The following ODR4 variants were observed in gnomAD, a reference collection of about 807,000 sequenced individuals.
ODR4 encodes the protein protein odr-4 homolog.
ODR4 carries 47 observed loss-of-function variants against 60.2 expected under a neutral mutation model. The observed-to-expected ratio is 0.78, with a 90% CI of 0.62 to 1.00. The LOEUF (loss-of-function observed/expected upper bound fraction) is 1.00, where lower values mean the gene tolerates loss of function less well. Among genes scored for constraint, ODR4 ranks in the 50% least tolerant of loss-of-function variants. The probability of loss-of-function intolerance (pLI) is 0.00; values close to 1 mark genes in which losing one functional copy is unlikely to be tolerated. For missense variants in ODR4, 488 were observed against 530.8 expected, an observed-to-expected ratio of 0.92 and a Z score of 0.79; for synonymous variants, 178 against 175.5, an observed-to-expected ratio of 1.01 and a Z score of -0.11.
At chr1:186,394,977 C>A (rs1660614370) in intron 9 of ODR4, among the ~76,000 whole-genome samples, 1 of 152,108 alleles carries the variant, frequency 6.6e-6, no homozygotes, top group Non-Finnish European at 1.5e-5. Flanking sequence ...GTTTATTAAA[C>A]AATTTGGTTA....
chr1:186,431,365 A>AT, the ODR4 span, among the ~76,000 whole-genome samples: 1 of 152,202 alleles, frequency 6.6e-6, no homozygotes, highest in Non-Finnish European at 1.5e-5. Flanking sequence ...TAATCACATG[A>AT]TTAAGTTGTG....
At position 186,421,051 on chromosome 1, in the gene ODR4, G is replaced by A. The variant is rs1418940539; in HGVS notation, c.*1975G>A. On this transcript the variant is annotated 3_prime_UTR_variant, in exon 14 of 14. Transcript: ENST00000287859. ...CAAATACTTAGTAGGCTTCCTAACA[G>A]CAACAATGTACCCAAAAGAGGGTAG... The A allele has an allele frequency of 6.6e-6, 1 of 152,142 alleles. No individual in the cohort carries two copies. The highest frequency in any genetic ancestry group is 1.5e-5 in the Non-Finnish European group (1 of 68,026). The allele number at this position is 152,142 out of a possible 1,614,324, so 9.4% of individuals were successfully genotyped here. A position where few individuals can be genotyped will look rare whatever the true frequency, so the allele number is the denominator to read the frequency against.
the ODR4 span, among the ~76,000 whole-genome samples, chr1:186,428,335 C>T: frequency 1.3e-5 from 2 of 152,324 alleles, no homozygotes; most frequent in East Asian, 3.9e-4. Context: ...GAGATAGCTT[C>T]TCTCCTTAAA....
the ODR4 span, among the ~76,000 whole-genome samples, chr1:186,430,755 C>CT: frequency 1.3e-5 from 2 of 151,868 alleles, no homozygotes; most frequent in Non-Finnish European, 2.9e-5. Flanking sequence ...CAGTTAATTC[C>CT]TTTGATCTTT....
In ODR4 at chr1:186,386,015, T is replaced by C. The variant is rs745816508; in HGVS notation, c.262T>C (p.Leu88=). The C allele has an allele frequency of 2.2e-5, 35 of 1,604,064 alleles. No homozygotes were observed. The Admixed American group carries it at 5.2e-4, about 24-fold the overall frequency. The part of the protein sequence containing the change: ...QVSRMLPGGL[L]VLGVFIITTL... ...ATCCAGAATGCTACCAGGGGGACTT[T>C]TAGTTCTTGGAGTATTTATTATTAC... The change falls in exon 4 of 14, where the codon TTA becomes CTA. Residue 88 remains leucine, a synonymous_variant. Transcript: ENST00000287859.
chr1:186,389,637 C>T lies in ODR4; in HGVS notation c.474+13C>T. On this transcript the variant is annotated intron_variant, in intron 6 of 13. Coordinates refer to ENST00000287859, the MANE Select transcript of ODR4 (RefSeq NM_017847.6). ...CCATGATCCAAAGGTAAGAAATTTA[C>T]TCTTTAAAGATTTTTCTGTGTCACA... 1 of 1,476,948 alleles carries T rather than the reference C, an allele frequency of 6.8e-7. No homozygotes were observed. Among genetic ancestry groups the T allele is most frequent in the Non-Finnish European group, 9.2e-7 (1 of 1,090,710 alleles). The allele number at this position is 1,476,948 out of a possible 1,614,324, so 91.5% of individuals were successfully genotyped here.
intron 3 of ODR4, among the ~76,000 whole-genome samples, chr1:186,384,461 T>C: frequency 6.6e-6 from 1 of 152,058 alleles, no homozygotes; most frequent in East Asian, 1.9e-4. Context: ...GGGACAAACA[T>C]GGCAACTATC....
chr1:186,400,992 T>C (rs1414617936), intron 11 of ODR4: 11 of 1,529,474 alleles, frequency 7.2e-6, no homozygotes, highest in Middle Eastern at 1.7e-4. Flanking sequence ...TGCTTCAGGT[T>C]CTGAGCAACA....
At chr1:186,376,045 A>C (rs2102002401) in intron 1 of ODR4, 71 bp downstream of exon 1, 1 of 153,112 alleles carries the variant, frequency 6.5e-6, no homozygotes, top group Non-Finnish European at 1.4e-5. Flanking sequence ...GAGAAAAAGG[A>C]AGGGACAGTG....
chr1:186,398,580 A>ACC, intron 10 of ODR4, 139 bp downstream of exon 10: 1 of 838,648 alleles, frequency 1.2e-6, no homozygotes, highest in South Asian at 2.4e-5. Flanking sequence ...GTCCAAATGT[A>ACC]CCATATAATT....
chr1:186,382,938 A>T (rs1660095145), intron 2 of ODR4, 84 bp from the exon 3 acceptor site: 3 of 1,390,972 alleles, frequency 2.2e-6, no homozygotes, highest in South Asian at 3.0e-5. Flanking sequence ...TGCATGTCAT[A>T]AAAGCTAAGG....
At chr1:186,417,778 G>T (rs909248209) in intron 13 of ODR4, 124 bp downstream of exon 13, 5 of 608,228 alleles carry the variant, frequency 8.2e-6, no homozygotes, top group Non-Finnish European at 1.5e-5. Context: ...GTATTTATTG[G>T]GTATTATGGA....
At chr1:186,385,689 C>T (rs556430625) in intron 3 of ODR4, among the ~76,000 whole-genome samples, 1 of 152,112 alleles carries the variant, frequency 6.6e-6, no homozygotes, top group East Asian at 1.9e-4. Flanking sequence ...AAAGTAGTGT[C>T]AAATGAGGGT....
Position 186,419,170 on chromosome 1 carries a change from C to A in ODR4, c.*94C>A. 9.0e-7 allele frequency: 1 copy of A among 1,105,244 alleles called. No individual in the cohort carries two copies. Among genetic ancestry groups the A allele is most frequent in the Non-Finnish European group, 1.3e-6 (1 of 748,586 alleles). 68.5% of individuals were successfully genotyped at this position (1,105,244 alleles called of 1,614,324 possible). On this transcript the variant is annotated 3_prime_UTR_variant, in exon 14 of 14. Transcript: ENST00000287859. ...TAACAATCCATCTGTATTTAAAACA[C>A]TAGCAGCCAGATCTGCTGCCATGAT...
intron 11 of ODR4, chr1:186,400,614 A>G: frequency 6.0e-6 from 1 of 165,808 alleles, no homozygotes; most frequent in Non-Finnish European, 1.3e-5. Flanking sequence ...TTTTATGTTC[A>G]TAGGAAAAAA....
chr1:186,393,913 A>G, intron 8 of ODR4, 34 bp from the exon 9 acceptor site: 1 of 1,158,332 alleles, frequency 8.6e-7, no homozygotes, highest in Non-Finnish European at 1.3e-6. Flanking sequence ...TACAGGCTTC[A>G]CAGTTTGGCT....
At chr1:186,432,727 ATGT>A in the ODR4 span, among the ~76,000 whole-genome samples, 1 of 151,226 alleles carries the variant, frequency 6.6e-6, no homozygotes, top group Non-Finnish European at 1.5e-5. Context: ...AATTTTTTTA[ATGT>A]TGTTTATTTA....
chr1:186,414,771 C>T (rs1375301716), intron 12 of ODR4, among the ~76,000 whole-genome samples: 1 of 152,102 alleles, frequency 6.6e-6, no homozygotes, highest in Admixed American at 6.5e-5. Flanking sequence ...CTGCCCGCCT[C>T]GGCCTCCCAA....
intron 7 of ODR4, among the ~76,000 whole-genome samples, chr1:186,391,389 A>G (rs1447050315): frequency 1.6e-5 from 2 of 122,516 alleles, no homozygotes; most frequent in Non-Finnish European, 3.6e-5. Context: ...CTTTTTTCTC[A>G]CTTTTTTTTT....
Sources: gnomAD v4.1 joint callset for allele counts (sites outside exome capture counted in the v4.1 genomes callset) on GRCh38, gnomAD v4.1.1 for gene constraint, MANE v1.5 for transcripts, NCBI Gene and HGNC (gene_info 2026-07-23, HGNC 2026-07-21) for gene names.